REXO5: variants seen among roughly 807,000 people sequenced by gnomAD.
The protein encoded by REXO5 is RNA exonuclease 5.
Under a neutral mutation model 88.5 loss-of-function variants are expected in REXO5, and 48 were observed. The observed-to-expected ratio is 0.54, with a 90% CI of 0.43 to 0.69. The LOEUF is 0.69. Among genes scored for constraint, REXO5 ranks in the 30% least tolerant of loss-of-function variants. The pLI is 0.00. For missense variants in REXO5, 749 were observed against 912.2 expected, an observed-to-expected ratio of 0.82 and a Z score of 2.30; for synonymous variants, 311 against 336.5, an observed-to-expected ratio of 0.92 and a Z score of 0.83.
chr16:20,844,105 G>A, intron 16 of REXO5, 79 bp downstream of exon 16: 1 of 842,720 alleles, frequency 1.2e-6, no homozygotes, highest in Non-Finnish European at 2.0e-6. Context: ...AGGACATATA[G>A]GAAACACTCT....
Position 20,846,346 on chromosome 16 carries a change from A to G in REXO5, c.2243+7A>G. On this transcript the variant is annotated splice_region_variant and intron_variant, in intron 19 of 19. Coordinates refer to ENST00000261377, the MANE Select transcript of REXO5 (RefSeq NM_030941.3). ...TGCTGCCAGGAACCAAGAGGTAAGG[A>G]CTAGAAAGGGTATCCCTTCAGGACT... 1 of 1,603,320 alleles carries G rather than the reference A, an allele frequency of 6.2e-7. No homozygotes were observed. The highest frequency in any genetic ancestry group is 8.5e-7 in the Non-Finnish European group (1 of 1,170,276).
At chr16:20,824,638 CTGTTT>C in intron 7 of REXO5, 111 bp downstream of exon 7, 1 of 706,970 alleles carries the variant, frequency 1.4e-6, no homozygotes, top group Non-Finnish European at 2.5e-6. Flanking sequence ...TTTTAGTATT[CTGTTT>C]TAATAGCTGA....
At chr16:20,841,347 G>A (rs1031759162) in intron 15 of REXO5, among the ~76,000 whole-genome samples, 5 of 152,072 alleles carry the variant, frequency 3.3e-5, no homozygotes, top group African/African-American at 9.7e-5. Context: ...AAAGAAAAAT[G>A]GAAACAGTGT....
chr16:20,833,161 A>T, intron 13 of REXO5, 38 bp downstream of exon 13: 1 of 1,596,374 alleles, frequency 6.3e-7, no homozygotes, highest in Non-Finnish European at 8.6e-7. Flanking sequence ...TTATATTCAA[A>T]GCAGAGGGGA....
At chr16:20,818,263 C>G (rs1222744347) in intron 5 of REXO5, among the ~76,000 whole-genome samples, 1 of 152,110 alleles carries the variant, frequency 6.6e-6, no homozygotes, top group Non-Finnish European at 1.5e-5. Context: ...ATATTTCCAA[C>G]TATAAGTTAA....
intron 3 of REXO5, 38 bp downstream of exon 3, chr16:20,813,340 G>GTTTT (rs1555490620): frequency 1.0e-6 from 1 of 977,334 alleles, no homozygotes; most frequent in Admixed American, 2.9e-5. Context: ...TTGACCAGCG[G>GTTTT]TTTCTTTTTT....
intron 18 of REXO5, 23 bp downstream of exon 18, chr16:20,845,264 GAGA>G: frequency 6.2e-6 from 10 of 1,605,054 alleles, no homozygotes; most frequent in South Asian, 2.2e-5. Flanking sequence ...AGGCGTCTTG[GAGA>G]AGATGTCAGG....
Position 20,827,095 on chromosome 16 carries a change from A to T in REXO5, c.859A>T (p.Thr287Ser). The change falls in exon 9 of 20, where the codon ACG becomes TCG. Residue 287 changes from threonine (T) to serine (S), a missense_variant. Thr to Ser is a moderately conservative substitution (Grantham distance 58). Transcript: ENST00000261377. The stretch of plus-strand genomic sequence containing the variant: ...CACGAAGAAGATTCTTAACCCAGTG[A>T]CGACCAAACTCAAAGATGTACAGAG... ...GITKKILNPV[T>S]TKLKDVQRQL... 2 of 1,614,076 alleles carry T rather than the reference A, an allele frequency of 1.2e-6. No individual in the cohort carries two copies. Among genetic ancestry groups the T allele is most frequent in the South Asian group, 2.2e-5 (2 of 91,078 alleles).
At chr16:20,841,984 T>C (rs1299589263) in intron 15 of REXO5, among the ~76,000 whole-genome samples, 9 of 152,222 alleles carry the variant, frequency 5.9e-5, no homozygotes. Context: ...ATGAGAAGTG[T>C]ATAGCAAGGG....
rs141536693 is a variant in REXO5, at chr16:20,838,495, G to A, written c.1384-1260G>A. 1.4e-3 allele frequency among the ~76,000 whole-genome samples: 206 copies of A among 152,178 alleles called. 1 individual carries two copies. Among genetic ancestry groups the A allele is most frequent in the African/African-American group, 4.7e-3 (196 of 41,530 alleles). On this transcript the variant is annotated intron_variant, in intron 13 of 19. Transcript: ENST00000261377. ...AGTTGTTGTCTTTACAGACTGCTTCGTGCAGGGGAAGACCTTCACCAATCA... is the reference window on the plus strand; with the variant it reads ...AGTTGTTGTCTTTACAGACTGCTTCATGCAGGGGAAGACCTTCACCAATCA...
chr16:20,826,542 T>G (rs2081263123), intron 8 of REXO5, among the ~76,000 whole-genome samples: 2 of 152,216 alleles, frequency 1.3e-5, no homozygotes, highest in Admixed American at 1.3e-4. Flanking sequence ...TACTGTCCTA[T>G]TAGCAGACTT....
Position 20,849,631 on chromosome 16 carries a change from A to ATAAG in REXO5, c.*153_*156dup, listed in dbSNP as rs955073370. 6.2e-6 allele frequency: 4 copies of ATAAG among 642,938 alleles called. No homozygotes were observed. The highest frequency in any genetic ancestry group is 1.8e-5 in the African/African-American group (1 of 54,552). 39.8% of individuals were successfully genotyped at this position (642,938 alleles called of 1,614,324 possible). On this transcript the variant is annotated 3_prime_UTR_variant, in exon 20 of 20. Coordinates refer to ENST00000261377, the MANE Select transcript of REXO5 (RefSeq NM_030941.3). ...AGTTTAGTTTGTTTATATGGCATGT[A>ATAAG]TAAGTTTTCAATAAATGCCTAAAGT...
chr16:20,821,231 C>G (rs1435428362), intron 5 of REXO5, among the ~76,000 whole-genome samples: 3 of 151,992 alleles, frequency 2.0e-5, no homozygotes, highest in Non-Finnish European at 4.4e-5. Flanking sequence ...AAGTATATTC[C>G]TCCTCCTATC....
chr16:20,820,936 C>T (rs189369275), intron 5 of REXO5: 1 of 152,180 alleles, frequency 6.6e-6, no homozygotes, highest in Non-Finnish European at 1.5e-5. Flanking sequence ...AAGATTTTCC[C>T]TCTGAGAACA....
chr16:20,844,574 T>A (rs1240618876), intron 16 of REXO5, 55 bp from the exon 17 acceptor site: 13 of 1,507,190 alleles, frequency 8.6e-6, no homozygotes, highest in Non-Finnish European at 1.2e-5. Flanking sequence ...TAGTATCCAA[T>A]AGGCCTGAGG....
At chr16:20,813,987 C>T (rs2081043074) in intron 3 of REXO5, among the ~76,000 whole-genome samples, 1 of 151,978 alleles carries the variant, frequency 6.6e-6, no homozygotes, top group South Asian at 2.1e-4. Context: ...AAATAATACA[C>T]ACGTCTTTCT....
intron 4 of REXO5, 44 bp downstream of exon 4, chr16:20,815,097 C>A: frequency 6.3e-7 from 1 of 1,582,706 alleles, no homozygotes; most frequent in Non-Finnish European, 8.6e-7. Context: ...TCTGTTTTCC[C>A]ATTCTGAGAC....
chr16:20,837,124 GGA>G (rs2081443934), intron 13 of REXO5, among the ~76,000 whole-genome samples: 1 of 152,136 alleles, frequency 6.6e-6, no homozygotes, highest in Non-Finnish European at 1.5e-5. Flanking sequence ...AGGTGTTTGA[GGA>G]GAGAGGGTAA....
intron 11 of REXO5, among the ~76,000 whole-genome samples, chr16:20,831,673 G>T (rs1231596497): frequency 1.3e-5 from 2 of 152,004 alleles, no homozygotes; most frequent in South Asian, 4.2e-4. Context: ...CCCACTTTAC[G>T]GAAGGAGAAG....
Sources: allele counts gnomAD v4.1 joint callset (sites outside exome capture counted in the v4.1 genomes callset), GRCh38; gene constraint gnomAD v4.1.1; transcripts MANE v1.5; gene names NCBI Gene and HGNC (gene_info 2026-07-23, HGNC 2026-07-21).